Variants in PLCB1 observed in about 807,000 individuals in gnomAD.
PLCB1 encodes the protein phospholipase C beta 1.
Under a neutral mutation model 161.8 loss-of-function variants are expected in PLCB1, and 46 were observed. The observed-to-expected ratio is 0.28, with a 90% CI of 0.22 to 0.36. The LOEUF (loss-of-function observed/expected upper bound fraction) is 0.36, where lower values mean the gene tolerates loss of function less well. PLCB1 is among the 10% of genes least tolerant of loss of function. The pLI is 1.00. For synonymous variants in PLCB1, 517 were observed against 503.7 expected (o/e 1.03, Z -0.35); for missense variants, 1,016 against 1,472.5 (o/e 0.69, Z 5.07).
intron 2 of PLCB1, among the ~76,000 whole-genome samples, chr20:8,263,389 A>G (rs1981805726): frequency 6.6e-6 from 1 of 152,216 alleles, no homozygotes; most frequent in East Asian, 1.9e-4. Flanking sequence ...GTGACATTAA[A>G]CATCACTTTC....
At chr20:8,838,072 TAAA>T (rs3034968) in intron 31 of PLCB1, among the ~76,000 whole-genome samples, 88,938 of 148,452 alleles carry the variant, frequency 0.6, 27,555 homozygotes, top group East Asian at 0.79. Context: ...CTATGTCAAA[TAAA>T]AAAAAAAAAA....
intron 2 of PLCB1, among the ~76,000 whole-genome samples, chr20:8,276,965 C>CTTATTA (rs1263721109): frequency 1.6e-5 from 2 of 121,824 alleles, no homozygotes; most frequent in Non-Finnish European, 1.7e-5. Context: ...TCTTCTTCTT[C>CTTATTA]TTCTTCTTCT....
At chr20:8,351,159 GA>G (rs1986164749) in intron 2 of PLCB1, among the ~76,000 whole-genome samples, 1 of 152,140 alleles carries the variant, frequency 6.6e-6, no homozygotes, top group African/African-American at 2.4e-5. Flanking sequence ...TAGATCAATG[GA>G]AAATAATAGC....
chr20:8,743,138 A>G (rs1600291647), intron 23 of PLCB1, among the ~76,000 whole-genome samples: 2 of 152,204 alleles, frequency 1.3e-5, no homozygotes, highest in African/African-American at 4.8e-5. Context: ...ATCTCAGAGG[A>G]AAGGCTTTCA....
At chr20:8,467,625 T>A (rs931426024) in intron 3 of PLCB1, among the ~76,000 whole-genome samples, 3 of 152,172 alleles carry the variant, frequency 2.0e-5, no homozygotes, top group Admixed American at 2.0e-4. Context: ...AGTGTTATAT[T>A]TGAGTTCCTT....
At chr20:8,338,258 G>A (rs1316625817) in intron 2 of PLCB1, among the ~76,000 whole-genome samples, 3 of 152,018 alleles carry the variant, frequency 2.0e-5, no homozygotes, top group Non-Finnish European at 2.9e-5. Flanking sequence ...AATTATTCAC[G>A]GAGTTTTGCA....
chr20:8,862,024 A>G (rs1196554426), intron 31 of PLCB1, among the ~76,000 whole-genome samples: 1 of 152,186 alleles, frequency 6.6e-6, no homozygotes. Context: ...TCCTTTAAAA[A>G]TAGACTGGCA....
At chr20:8,460,124 G>T (rs1048431413) in intron 3 of PLCB1, among the ~76,000 whole-genome samples, 1 of 152,172 alleles carries the variant, frequency 6.6e-6, no homozygotes, top group Admixed American at 6.5e-5. Context: ...AGATCAAGTG[G>T]TGATAGAGAT....
chr20:8,154,035 A>G (rs1375501898), intron 2 of PLCB1, among the ~76,000 whole-genome samples: 3 of 152,176 alleles, frequency 2.0e-5, no homozygotes, highest in Non-Finnish European at 4.4e-5. Flanking sequence ...AACTAATAGT[A>G]ATAGCTTCAT....
intron 31 of PLCB1, chr20:8,792,583 A>G (rs1323286479): frequency 2.1e-6 from 1 of 471,244 alleles, no homozygotes. Flanking sequence ...TTTATTGTAA[A>G]TAGGTACCAT....
At chr20:8,524,548 G>C (rs1984505687) in intron 3 of PLCB1, among the ~76,000 whole-genome samples, 1 of 152,088 alleles carries the variant, frequency 6.6e-6, no homozygotes, top group Non-Finnish European at 1.5e-5. Context: ...GTATCAGTCA[G>C]GGTTTCTTTT....
chr20:8,166,266 G>A (rs2051674039), intron 2 of PLCB1, among the ~76,000 whole-genome samples: 1 of 152,048 alleles, frequency 6.6e-6, no homozygotes, highest in African/African-American at 2.4e-5. Context: ...CTCCAAATTA[G>A]TCTTTCTTAA....
At chr20:8,382,721 G>A (rs1987297687) in intron 3 of PLCB1, among the ~76,000 whole-genome samples, 1 of 151,358 alleles carries the variant, frequency 6.6e-6, no homozygotes, top group Non-Finnish European at 1.5e-5. Context: ...GCTAATTTTT[G>A]TATTTTTAGT....
At position 8,469,457 on chromosome 20, in the gene PLCB1, T is replaced by C. The variant is rs563319804; in HGVS notation, c.246+98007T>C. On this transcript the variant is annotated intron_variant, in intron 3 of 31. Transcript: ENST00000338037. ...CATTTCATTATGTCAAGTAATATTT[T>C]AGGGTGTTTTAACCATCGTTATTTA... 4.1e-4 allele frequency among the ~76,000 whole-genome samples: 63 copies of C among 152,294 alleles called. 1 individual carries two copies. Among genetic ancestry groups the C allele is most frequent in the African/African-American group, 1.3e-3 (56 of 41,558 alleles).
intron 3 of PLCB1, among the ~76,000 whole-genome samples, chr20:8,392,808 T>A (rs1361048859): frequency 6.6e-6 from 1 of 152,166 alleles, no homozygotes; most frequent in African/African-American, 2.4e-5. Context: ...CAATGTACCA[T>A]AAAAAAGTGA....
At chr20:8,173,358 C>T (rs995222090) in intron 2 of PLCB1, among the ~76,000 whole-genome samples, 3 of 152,110 alleles carry the variant, frequency 2.0e-5, no homozygotes, top group Non-Finnish European at 2.9e-5. Context: ...CTGAAAAAAA[C>T]CTGTCAGCCC....
intron 3 of PLCB1, among the ~76,000 whole-genome samples, chr20:8,627,598 T>A (rs1988393071): frequency 6.6e-6 from 1 of 152,228 alleles, no homozygotes. Flanking sequence ...AGCCCTATTT[T>A]AGGTTTCACT....
chr20:8,506,186 G>T (rs1983629604), intron 3 of PLCB1, among the ~76,000 whole-genome samples: 1 of 152,192 alleles, frequency 6.6e-6, no homozygotes, highest in Non-Finnish European at 1.5e-5. Flanking sequence ...ATTTTGGAAG[G>T]TATTATTTGC....
chr20:8,729,718 A>G (rs1600281586), intron 18 of PLCB1: 1 of 151,992 alleles, frequency 6.6e-6, no homozygotes. Context: ...TTCGCTAAAA[A>G]CTTATTTCTA....
Sources: gnomAD v4.1 joint callset for allele counts (sites outside exome capture counted in the v4.1 genomes callset) on GRCh38, gnomAD v4.1.1 for gene constraint, MANE v1.5 for transcripts, NCBI Gene and HGNC (gene_info 2026-07-23, HGNC 2026-07-21) for gene names.